The following ADGRB3 variants were observed in gnomAD, a reference collection of about 807,000 sequenced individuals.
ADGRB3 encodes brain-specific angiogenesis inhibitor 3.
Under a neutral mutation model 193.4 loss-of-function variants are expected in ADGRB3, and 37 were observed. The ratio of observed to expected loss-of-function variants is 0.19; its 90% confidence interval spans 0.15 to 0.25. The LOEUF (loss-of-function observed/expected upper bound fraction) is 0.25. Among genes scored for constraint, ADGRB3 ranks in the 10% least tolerant of loss-of-function variants. The probability of loss-of-function intolerance (pLI) is 1.00; values close to 1 mark genes in which losing one functional copy is unlikely to be tolerated. For synonymous variants in ADGRB3, 690 were observed against 644.2 expected (o/e 1.07, Z -1.08); for missense variants, 1,637 against 1,852.9 (o/e 0.88, Z 2.14).
intron 3 of ADGRB3, among the ~76,000 whole-genome samples, chr6:68,867,540 G>A (rs550362142): frequency 6.6e-6 from 1 of 152,292 alleles, no homozygotes; most frequent in Admixed American, 6.5e-5. Flanking sequence ...CTGTGGCACT[G>A]CATAGTGGAG....
chr6:68,732,092 A>G (rs1481811765), intron 3 of ADGRB3, among the ~76,000 whole-genome samples: 1 of 151,852 alleles, frequency 6.6e-6, no homozygotes, highest in Non-Finnish European at 1.5e-5. Context: ...TCCTTATTAA[A>G]TAATTGGTCA....
chr6:69,175,895 AT>A (rs1775406823), intron 17 of ADGRB3, among the ~76,000 whole-genome samples: 1 of 152,088 alleles, frequency 6.6e-6, no homozygotes, highest in Admixed American at 6.6e-5. Context: ...TTTTGCAGCT[AT>A]TGTAAATGGG....
rs1403125277 is a variant in ADGRB3 at position 68,914,290 on chromosome 6, A to C, written c.758-16269A>C. Among the ~76,000 whole-genome samples the C allele has an allele frequency of 2.0e-5, 3 of 152,070 alleles. No homozygotes were observed. In the East Asian group the frequency reaches 5.8e-4, roughly 29 times the overall value. Reference sequence around the variant, plus strand: ...AGGAAAAAATGTTAAGGGCAGCCAGAGAGAAAGGTCGGGTTACCCACAAAG... The same window carrying C: ...AGGAAAAAATGTTAAGGGCAGCCAGCGAGAAAGGTCGGGTTACCCACAAAG... On this transcript the variant is annotated intron_variant, in intron 3 of 31. Transcript: ENST00000370598.
chr6:68,656,060 T>G (rs1460520729), intron 3 of ADGRB3, among the ~76,000 whole-genome samples: 1 of 151,616 alleles, frequency 6.6e-6, no homozygotes, highest in Non-Finnish European at 1.5e-5. Context: ...AATGCCTTTT[T>G]CCTCCTGAGC....
intron 20 of ADGRB3, among the ~76,000 whole-genome samples, chr6:69,288,034 AT>A (rs112515092): frequency 7.6e-4 from 113 of 148,224 alleles, no homozygotes; most frequent in South Asian, 1.7e-3. Context: ...AACTTGTTTC[AT>A]TTTTTTTTTG....
intron 15 of ADGRB3, among the ~76,000 whole-genome samples, chr6:69,051,238 C>G (rs768176340): frequency 1.3e-5 from 2 of 152,134 alleles, no homozygotes; most frequent in African/African-American, 2.4e-5. Flanking sequence ...ACTGGCTCCC[C>G]TGATGCCACG....
intron 3 of ADGRB3, among the ~76,000 whole-genome samples, chr6:68,928,425 G>A (rs1035495924): frequency 1.3e-5 from 2 of 152,040 alleles, no homozygotes; most frequent in African/African-American, 2.4e-5. Context: ...TAGCTACTTG[G>A]GAGGCTGAGG....
At chr6:69,292,345 C>T (rs1458561731) in intron 20 of ADGRB3, among the ~76,000 whole-genome samples, 2 of 152,038 alleles carry the variant, frequency 1.3e-5, no homozygotes, top group Admixed American at 1.3e-4. Context: ...CAAATTACCC[C>T]CCAGGTCATC....
At chr6:68,814,812 G>T (rs1232054160) in intron 3 of ADGRB3, among the ~76,000 whole-genome samples, 2 of 152,004 alleles carry the variant, frequency 1.3e-5, no homozygotes, top group Admixed American at 1.3e-4. Context: ...TTCATCCCTG[G>T]GATGCAAGGC....
chr6:69,217,821 A>G (rs147180690), intron 17 of ADGRB3, among the ~76,000 whole-genome samples: 17 of 152,276 alleles, frequency 1.1e-4, no homozygotes, highest in African/African-American at 3.6e-4. Context: ...CGTAGATCTG[A>G]GAGTGAGATG....
intron 10 of ADGRB3, among the ~76,000 whole-genome samples, chr6:68,978,263 G>T (rs1407717692): frequency 6.6e-6 from 1 of 151,362 alleles, no homozygotes; most frequent in African/African-American, 2.4e-5. Flanking sequence ...AGCTGTACCT[G>T]TAGAAAAGTA....
At chr6:68,765,537 G>C (rs867165342) in intron 3 of ADGRB3, among the ~76,000 whole-genome samples, 3 of 143,460 alleles carry the variant, frequency 2.1e-5, no homozygotes, top group Admixed American at 7.0e-5. Context: ...TATTCTTATA[G>C]ACACACACAC....
At chr6:68,904,061 AGGAGGGAAGGAG>A (rs1425640053) in intron 3 of ADGRB3, among the ~76,000 whole-genome samples, 3 of 106,300 alleles carry the variant, frequency 2.8e-5, no homozygotes, top group Non-Finnish European at 6.0e-5. Flanking sequence ...GAAGGAGGGA[AGGAGGGAAGGAG>A]GGAGGGCTGG....
chr6:68,814,684 A>G (rs1159548640), intron 3 of ADGRB3, among the ~76,000 whole-genome samples: 1 of 152,162 alleles, frequency 6.6e-6, no homozygotes, highest in Non-Finnish European at 1.5e-5. Context: ...ACACAACAAA[A>G]CAAGAGAATT....
intron 3 of ADGRB3, among the ~76,000 whole-genome samples, chr6:68,672,922 G>A (rs954879521): frequency 1.3e-5 from 2 of 152,044 alleles, no homozygotes; most frequent in Non-Finnish European, 2.9e-5. Flanking sequence ...AACTGGAGCT[G>A]CAATATCAAC....
At chr6:69,211,783 C>T (rs1178578496) in intron 17 of ADGRB3, among the ~76,000 whole-genome samples, 1 of 152,178 alleles carries the variant, frequency 6.6e-6, no homozygotes, top group Admixed American at 6.5e-5. Flanking sequence ...ACTCCATACC[C>T]ATCTCCAAAC....
chr6:69,013,351 G>A lies in ADGRB3; in HGVS notation c.1930-687G>A, dbSNP rs147609814. ...TGCTAGGCGAAGATAAAGCCAATAG[G>A]TCTTTAACAGTTAGAGACAAGAATG... On this transcript the variant is annotated intron_variant, in intron 11 of 31. Transcript: ENST00000370598. 6.2e-3 allele frequency among the ~76,000 whole-genome samples: 939 copies of A among 152,172 alleles called. 9 individuals carry two copies. Among genetic ancestry groups the A allele is most frequent in the African/African-American group, 0.021 (873 of 41,536 alleles).
chr6:68,693,299 A>AG, intron 3 of ADGRB3, among the ~76,000 whole-genome samples: 1 of 152,058 alleles, frequency 6.6e-6, no homozygotes. Flanking sequence ...TGGGAAAATA[A>AG]TTTTTCCTAC....
At chr6:69,066,335 A>G (rs1463394846) in intron 16 of ADGRB3, among the ~76,000 whole-genome samples, 1 of 151,970 alleles carries the variant, frequency 6.6e-6, no homozygotes, top group Non-Finnish European at 1.5e-5. Flanking sequence ...CTTTCAGGAA[A>G]GAATAACTTC....
Sources: gnomAD v4.1 joint callset for allele counts (sites outside exome capture counted in the v4.1 genomes callset) on GRCh38, gnomAD v4.1.1 for gene constraint, MANE v1.5 for transcripts, NCBI Gene and HGNC (gene_info 2026-07-23, HGNC 2026-07-21) for gene names.